Variants in CYP3A43 observed in about 807,000 individuals in gnomAD.
The protein encoded by CYP3A43 is cytochrome P450 3A43.
CYP3A43 carries 45 observed loss-of-function variants against 58.0 expected under a neutral mutation model. That is an observed-to-expected ratio of 0.78 (90% confidence interval 0.61 to 0.99). CYP3A43 has a LOEUF of 0.99. Ranked by LOEUF, CYP3A43 falls within the 50% of genes least tolerant of loss-of-function variation. The pLI, the probability that CYP3A43 is intolerant of heterozygous loss-of-function variation, is 0.00. For synonymous variants in CYP3A43, 191 were observed against 201.4 expected, an observed-to-expected ratio of 0.95 and a Z score of 0.44; for missense variants, 593 against 591.9, an observed-to-expected ratio of 1.00 and a Z score of -0.02.
intron 6 of CYP3A43, 31 bp from the exon 7 acceptor site, chr7:99,849,515 G>C (rs887287453): frequency 1.3e-6 from 2 of 1,573,824 alleles, no homozygotes; most frequent in Non-Finnish European, 1.7e-6. Flanking sequence ...AGAGGTGCTG[G>C]TTTTAATTTT....
intron 5 of CYP3A43, chr7:99,847,916 G>C (rs927933089): frequency 3.7e-6 from 2 of 539,908 alleles, no homozygotes; most frequent in Non-Finnish European, 6.6e-6. Context: ...GAAGGCTAAG[G>C]CAGAAGAATT....
intron 10 of CYP3A43, 71 bp downstream of exon 10, chr7:99,860,061 C>T: frequency 1.3e-6 from 2 of 1,515,162 alleles, no homozygotes; most frequent in Admixed American, 4.6e-5. Flanking sequence ...TCACCACTTG[C>T]CAGGACAATT....
intron 2 of CYP3A43, chr7:99,838,858 T>A (rs1817203974): frequency 1.9e-6 from 1 of 535,536 alleles, no homozygotes; most frequent in Non-Finnish European, 3.2e-6. Context: ...CGGGCCCCCA[T>A]AATCCCAGCT....
intron 1 of CYP3A43, among the ~76,000 whole-genome samples, chr7:99,834,009 A>G (rs542415243): frequency 1.7e-4 from 26 of 152,340 alleles, no homozygotes; most frequent in African/African-American, 5.8e-4. Flanking sequence ...CATCTTGCAC[A>G]TTCTAGCTGT....
chr7:99,847,421 C>T, intron 4 of CYP3A43, 67 bp from the exon 5 acceptor site: 1 of 1,519,580 alleles, frequency 6.6e-7, no homozygotes, highest in South Asian at 1.2e-5. Context: ...CTGTTTAACA[C>T]ATTTTCTACA....
At chr7:99,846,173 G>C (rs1817537562) in intron 4 of CYP3A43, among the ~76,000 whole-genome samples, 1 of 152,172 alleles carries the variant, frequency 6.6e-6, no homozygotes, top group Non-Finnish European at 1.5e-5. Context: ...CTATAAGTTG[G>C]TTTAGGGAAA....
intron 3 of CYP3A43, among the ~76,000 whole-genome samples, chr7:99,842,802 C>T (rs1817387086): frequency 6.6e-6 from 1 of 152,200 alleles, no homozygotes; most frequent in Admixed American, 6.5e-5. Flanking sequence ...GGCCACATAT[C>T]TCCCCAGATG....
intron 7 of CYP3A43, among the ~76,000 whole-genome samples, chr7:99,852,741 G>T (rs1473085196): frequency 6.6e-6 from 1 of 152,158 alleles, no homozygotes; most frequent in Non-Finnish European, 1.5e-5. Flanking sequence ...TAGGGGGAAA[G>T]GTACTAAGTA....
chr7:99,857,179 A>G (rs1318848933), intron 9 of CYP3A43, among the ~76,000 whole-genome samples: 2 of 152,180 alleles, frequency 1.3e-5, no homozygotes, highest in Admixed American at 6.5e-5. Context: ...GCCAGTTCTC[A>G]GCCTCCTCCA....
chr7:99,839,708 A>AG (rs1817256047), intron 3 of CYP3A43, among the ~76,000 whole-genome samples: 1 of 152,070 alleles, frequency 6.6e-6, no homozygotes, highest in Non-Finnish European at 1.5e-5. Flanking sequence ...CTGCCGAGAG[A>AG]GGGGGCCCCC....
At chr7:99,835,679 T>C (rs1457281047) in intron 1 of CYP3A43, among the ~76,000 whole-genome samples, 3 of 152,228 alleles carry the variant, frequency 2.0e-5, no homozygotes, top group Non-Finnish European at 4.4e-5. Context: ...TGCACATTCA[T>C]AGTAGTTATG....
chr7:99,853,226 G>A (rs1270242482), intron 7 of CYP3A43, among the ~76,000 whole-genome samples: 1 of 151,980 alleles, frequency 6.6e-6, no homozygotes, highest in Non-Finnish European at 1.5e-5. Context: ...ATCTGGCCTG[G>A]CCTTTTCTTT....
rs1817614450 is a variant in CYP3A43, at chr7:99,848,255, G to A, written c.521+1G>A. The A allele has an allele frequency of 4.3e-6, 7 of 1,613,862 alleles. No homozygotes were observed. Among genetic ancestry groups the A allele is most frequent in the Non-Finnish European group, 5.9e-6 (7 of 1,179,938 alleles). ...ACAGCAAGTCCATCAACTTGAAAGA[G>A]TAAGTAGCACAGTCTTGAGGTTCTG... On this transcript the variant is annotated splice_donor_variant, in intron 6 of 12. Transcript: ENST00000354829. LOFTEE classifies it high-confidence loss of function.
intron 12 of CYP3A43, 23 bp from the exon 13 acceptor site, chr7:99,865,883 A>G (rs758229011): frequency 3.2e-5 from 47 of 1,482,622 alleles, no homozygotes; most frequent in Non-Finnish European, 4.3e-5. Flanking sequence ...TTGTTTCTGA[A>G]TATTCTTGTT....
chr7:99,836,616 A>C, intron 2 of CYP3A43, 70 bp downstream of exon 2: 1 of 1,172,070 alleles, frequency 8.5e-7, no homozygotes, highest in Non-Finnish European at 1.2e-6. Flanking sequence ...TATCAGTAAA[A>C]ATGCTCCTCC....
intron 1 of CYP3A43, among the ~76,000 whole-genome samples, chr7:99,834,145 C>T (rs1002054711): frequency 3.9e-5 from 6 of 152,128 alleles, no homozygotes; most frequent in African/African-American, 1.4e-4. Flanking sequence ...TGATATATAG[C>T]ATTTCTCATT....
Position 99,836,515 on chromosome 7 carries a change from C to G in CYP3A43, c.134C>G (p.Pro45Arg). 1 of 1,603,120 alleles carries G rather than the reference C, an allele frequency of 6.2e-7. No homozygotes were observed. The highest frequency in any genetic ancestry group is 1.8e-5 in the Admixed American group (1 of 57,064). Residue 45 changes from proline (P) to arginine (R), a missense_variant, in exon 2 of 13, where the codon CCT (proline) becomes CGT (arginine). Pro to Arg is a moderately radical substitution (Grantham distance 103, BLOSUM62 -2). Coordinates refer to ENST00000354829, the MANE Select transcript of CYP3A43 (RefSeq NM_057095.3). ...GGAATTCCTGGGCCAACCCCTCTGC[C>G]TTTTCTGGGAACTATTTTGTTCTAC... ...KLGIPGPTPL[P>R]FLGTILFYLR...
In CYP3A43 at chr7:99,857,037, A is replaced by G. The variant is rs1584234476; in HGVS notation, c.865+138A>G. On this transcript the variant is annotated intron_variant, in intron 9 of 12. Coordinates refer to ENST00000354829, the MANE Select transcript of CYP3A43 (RefSeq NM_057095.3). ...GAAAGGCACACATTTGGATGTTATA[A>G]ATGATAGCTGGAGGCACTTTCTAGA... is the stretch of plus-strand genomic sequence containing the variant. 4.6e-6 allele frequency: 5 copies of G among 1,089,294 alleles called. No individual in the cohort carries two copies. The East Asian group carries it at 1.2e-4, about 27-fold the overall frequency. The allele number at this position is 1,089,294 out of a possible 1,614,324, so 67.5% of individuals were successfully genotyped here. A position where few individuals can be genotyped will look rare whatever the true frequency, so the allele number is the denominator to read the frequency against.
chr7:99,831,070 G>A (rs1402883506), intron 1 of CYP3A43, among the ~76,000 whole-genome samples: 1 of 152,146 alleles, frequency 6.6e-6, no homozygotes, highest in East Asian at 1.9e-4. Context: ...AGCATGGGCA[G>A]ATAATGGATT....
Sources: allele counts gnomAD v4.1 joint callset (sites outside exome capture counted in the v4.1 genomes callset), GRCh38; gene constraint gnomAD v4.1.1; transcripts MANE v1.5; gene names NCBI Gene and HGNC (gene_info 2026-07-23, HGNC 2026-07-21).